The following DCC variants were observed in gnomAD, a reference collection of about 807,000 sequenced individuals.
DCC encodes netrin receptor DCC.
In DCC, 58 loss-of-function variants were observed where a neutral mutation model predicts 172.5. The ratio of observed to expected loss-of-function variants is 0.34; its 90% confidence interval spans 0.27 to 0.42. The LOEUF (loss-of-function observed/expected upper bound fraction) is 0.42, where lower values mean the gene tolerates loss of function less well. DCC is among the 10% of genes least tolerant of loss of function. The pLI is 1.00. For missense variants in DCC, 1,740 were observed against 1,791.0 expected, an observed-to-expected ratio of 0.97 and a Z score of 0.51; for synonymous variants, 709 against 644.5, an observed-to-expected ratio of 1.10 and a Z score of -1.52.
At chr18:52,686,833 G>A (rs532964722) in intron 1 of DCC, among the ~76,000 whole-genome samples, 4 of 152,140 alleles carry the variant, frequency 2.6e-5, no homozygotes, top group African/African-American at 9.6e-5. Context: ...AGCTTGCCTT[G>A]ATCATATTTC....
intron 2 of DCC, among the ~76,000 whole-genome samples, chr18:52,875,897 C>G (rs2039397065): frequency 2.6e-5 from 4 of 152,162 alleles, no homozygotes; most frequent in Admixed American, 2.0e-4. Context: ...GGTCAGTTTG[C>G]TTTATCGGGC....
intron 5 of DCC, among the ~76,000 whole-genome samples, chr18:53,037,317 A>G (rs1275292486): frequency 1.3e-5 from 2 of 152,046 alleles, no homozygotes; most frequent in Non-Finnish European, 2.9e-5. Flanking sequence ...GCTTAAAGGG[A>G]AACAACTGGA....
intron 20 of DCC, among the ~76,000 whole-genome samples, chr18:53,411,424 G>A (rs1278310800): frequency 6.6e-6 from 1 of 152,088 alleles, no homozygotes; most frequent in Non-Finnish European, 1.5e-5. Context: ...GATATGTGTT[G>A]TTCTAAAGAA....
At chr18:52,691,482 T>C (rs952540113) in intron 1 of DCC, among the ~76,000 whole-genome samples, 5 of 152,082 alleles carry the variant, frequency 3.3e-5, no homozygotes, top group African/African-American at 4.8e-5. Context: ...TAGAGAAGAA[T>C]CCTGTTTTGT....
At chr18:52,814,033 G>A (rs189285919) in intron 2 of DCC, among the ~76,000 whole-genome samples, 2 of 152,296 alleles carry the variant, frequency 1.3e-5, no homozygotes, top group East Asian at 1.9e-4. Context: ...ACAATAGCAT[G>A]AATGAATTCC....
chr18:52,504,496 C>A (rs2031156100), intron 1 of DCC, among the ~76,000 whole-genome samples: 1 of 152,098 alleles, frequency 6.6e-6, no homozygotes, highest in Non-Finnish European at 1.5e-5. Flanking sequence ...CTAGGGCCTC[C>A]TTAGACTGAT....
intron 2 of DCC, among the ~76,000 whole-genome samples, chr18:52,823,173 A>C (rs2038440379): frequency 6.6e-6 from 1 of 152,100 alleles, no homozygotes; most frequent in South Asian, 2.1e-4. Context: ...ATTTATTGAA[A>C]ATTTTTGGAC....
intron 23 of DCC, among the ~76,000 whole-genome samples, chr18:53,454,658 C>T (rs1210290115): frequency 6.6e-6 from 1 of 152,152 alleles, no homozygotes; most frequent in Admixed American, 6.5e-5. Flanking sequence ...TTCTATTTGA[C>T]TTGACATGTG....
intron 15 of DCC, among the ~76,000 whole-genome samples, chr18:53,362,322 C>A (rs2057956783): frequency 6.6e-6 from 1 of 152,148 alleles, no homozygotes; most frequent in Non-Finnish European, 1.5e-5. Context: ...CAAATGTTTG[C>A]AACTCTGGGT....
intron 5 of DCC, among the ~76,000 whole-genome samples, chr18:52,979,539 A>G (rs1425587299): frequency 1.3e-5 from 2 of 152,154 alleles, no homozygotes; most frequent in African/African-American, 4.8e-5. Flanking sequence ...GTATTCTTCA[A>G]GTTGTATTCG....
chr18:52,797,216 T>A lies in DCC; in HGVS notation c.412+44842T>A, dbSNP rs889656107. ...TGGTGTTTTCTTATATTTCACTGAATTTCTCATCATAAAATTTCTAATAAG... is the reference window on the plus strand; with the variant it reads ...TGGTGTTTTCTTATATTTCACTGAAATTCTCATCATAAAATTTCTAATAAG... On this transcript the variant is annotated intron_variant, in intron 2 of 28. Transcript: ENST00000442544. 4.3e-4 allele frequency among the ~76,000 whole-genome samples: 65 copies of A among 152,200 alleles called. 1 individual carries two copies. The highest frequency in any genetic ancestry group is 1.2e-4 in the Non-Finnish European group (8 of 68,028).
intron 12 of DCC, among the ~76,000 whole-genome samples, chr18:53,270,571 G>T (rs1022950861): frequency 1.3e-5 from 2 of 152,024 alleles, no homozygotes. Flanking sequence ...ATACTGGGAG[G>T]TTTTACCCTA....
intron 2 of DCC, among the ~76,000 whole-genome samples, chr18:52,846,540 AAG>A (rs1457014894): frequency 6.7e-6 from 1 of 150,224 alleles, no homozygotes; most frequent in Non-Finnish European, 1.5e-5. Flanking sequence ...CCCTGTCTCA[AAG>A]AGAAAAAAAA....
At chr18:53,045,451 T>A (rs1599063019) in intron 5 of DCC, among the ~76,000 whole-genome samples, 1 of 151,924 alleles carries the variant, frequency 6.6e-6, no homozygotes, top group South Asian at 2.1e-4. Context: ...GGGTTACAAA[T>A]TATTTTGTGT....
intron 27 of DCC, among the ~76,000 whole-genome samples, chr18:53,514,687 T>C (rs2046310941): frequency 1.3e-5 from 2 of 151,994 alleles, no homozygotes; most frequent in South Asian, 4.2e-4. Context: ...ACAAATAAAC[T>C]AGAAAATCTA....
At chr18:52,676,927 A>T (rs1327439722) in intron 1 of DCC, among the ~76,000 whole-genome samples, 2 of 152,172 alleles carry the variant, frequency 1.3e-5, no homozygotes, top group Non-Finnish European at 2.9e-5. Flanking sequence ...TTTTAACCAG[A>T]TAGCAAATGC....
intron 3 of DCC, among the ~76,000 whole-genome samples, chr18:52,907,145 TATATC>T (rs1450883154): frequency 6.6e-6 from 1 of 150,644 alleles, no homozygotes; most frequent in Non-Finnish European, 1.5e-5. Context: ...AAATTTTAAA[TATATC>T]ATACATATAT....
At chr18:53,438,185 T>C (rs767693108) in intron 22 of DCC, among the ~76,000 whole-genome samples, 1 of 152,064 alleles carries the variant, frequency 6.6e-6, no homozygotes, top group Non-Finnish European at 1.5e-5. Flanking sequence ...AAGGGAATAC[T>C]ATCTATACTG....
Position 53,534,141 on chromosome 18 carries a change from A to G in DCC, c.*3488A>G, listed in dbSNP as rs1333335067. 1 of 152,232 alleles carries G rather than the reference A, an allele frequency of 6.6e-6. No homozygotes were observed. The highest frequency in any genetic ancestry group is 1.9e-4 in the East Asian group (1 of 5,200). The allele number at this position is 152,232 out of a possible 1,614,324, so 9.4% of individuals were successfully genotyped here. ...CCAAATGTAATATGGTATCTCAGAT[A>G]TAGCAGCTGGACTGTAATTACAACA... On this transcript the variant is annotated 3_prime_UTR_variant, in exon 29 of 29. Transcript: ENST00000442544.
Sources: gnomAD v4.1 joint callset for allele counts (sites outside exome capture counted in the v4.1 genomes callset) on GRCh38, gnomAD v4.1.1 for gene constraint, MANE v1.5 for transcripts, NCBI Gene and HGNC (gene_info 2026-07-23, HGNC 2026-07-21) for gene names.